Variants in TENM2 observed in about 807,000 individuals in gnomAD.
TENM2 encodes teneurin transmembrane protein 2, also known as teneurin-2.
In TENM2, 52 loss-of-function variants were observed where a neutral mutation model predicts 245.2. The ratio of observed to expected loss-of-function variants is 0.21; its 90% confidence interval spans 0.17 to 0.27. The LOEUF is 0.27. TENM2 is among the 10% of genes least tolerant of loss of function. TENM2 has a pLI of 1.00. For missense variants in TENM2, 3,046 were observed against 3,666.8 expected (o/e 0.83, Z 4.37); for synonymous variants, 1,363 against 1,438.9 (o/e 0.95, Z 1.19).
chr5:167,724,879 A>T (rs752887850), intron 2 of TENM2, among the ~76,000 whole-genome samples: 1 of 152,322 alleles, frequency 6.6e-6, no homozygotes, highest in Admixed American at 6.5e-5. Flanking sequence ...GCTCAGAGAC[A>T]TAAGCACAGG....
intron 1 of TENM2, among the ~76,000 whole-genome samples, chr5:167,371,966 C>T (rs1760466032): frequency 6.6e-6 from 1 of 152,074 alleles, no homozygotes; most frequent in African/African-American, 2.4e-5. Context: ...TTAATACTTA[C>T]AATGAGGTTC....
chr5:167,565,165 T>C (rs1214005803), intron 2 of TENM2, among the ~76,000 whole-genome samples: 2 of 152,236 alleles, frequency 1.3e-5, no homozygotes, highest in African/African-American at 2.4e-5. Flanking sequence ...TTTTATTGTG[T>C]CAAGTCAGTA....
chr5:167,977,888 G>T (rs1162033178), intron 4 of TENM2, among the ~76,000 whole-genome samples: 2 of 152,208 alleles, frequency 1.3e-5, no homozygotes, highest in Non-Finnish European at 2.9e-5. Flanking sequence ...CAATGTTGGA[G>T]GCGGGCCCTG....
At chr5:167,934,306 G>T (rs1778522483) in intron 3 of TENM2, among the ~76,000 whole-genome samples, 1 of 152,178 alleles carries the variant, frequency 6.6e-6, no homozygotes, top group African/African-American at 2.4e-5. Flanking sequence ...AGAGAAAGCA[G>T]CATCGTAACA....
At chr5:167,151,449 G>T in the TENM2 span, among the ~76,000 whole-genome samples, 5 of 152,282 alleles carry the variant, frequency 3.3e-5, no homozygotes, top group East Asian at 9.7e-4. Context: ...TAATGACTAC[G>T]TTACAACTAC....
At chr5:167,926,885 G>A (rs1233198419) in intron 3 of TENM2, among the ~76,000 whole-genome samples, 3 of 152,130 alleles carry the variant, frequency 2.0e-5, no homozygotes, top group Non-Finnish European at 4.4e-5. Context: ...ACTGGACAAA[G>A]AGTACTTGGC....
chr5:167,016,287 A>AC, the TENM2 span, among the ~76,000 whole-genome samples: 15 of 145,702 alleles, frequency 1.0e-4, no homozygotes, highest in African/African-American at 3.8e-4. Context: ...CAAACAAAAA[A>AC]AAAAAAAAAA....
intron 5 of TENM2, among the ~76,000 whole-genome samples, chr5:168,030,598 A>G (rs1581108031): frequency 1.3e-5 from 2 of 152,256 alleles, no homozygotes; most frequent in Non-Finnish European, 1.5e-5. Context: ...CCATCGGCCC[A>G]GACAGTGAGC....
chr5:167,405,987 C>T (rs1762618064), intron 2 of TENM2, among the ~76,000 whole-genome samples: 1 of 152,066 alleles, frequency 6.6e-6, no homozygotes, highest in East Asian at 1.9e-4. Flanking sequence ...AAGACTTTCT[C>T]ATTTTAATTT....
intron 12 of TENM2, among the ~76,000 whole-genome samples, chr5:168,152,339 T>C (rs900907943): frequency 6.6e-6 from 1 of 152,160 alleles, no homozygotes; most frequent in Non-Finnish European, 1.5e-5. Flanking sequence ...GTGATTTCCT[T>C]ACATTTCCTG....
intron 2 of TENM2, among the ~76,000 whole-genome samples, chr5:167,542,504 T>A (rs956072193): frequency 9.2e-5 from 14 of 151,904 alleles, no homozygotes; most frequent in African/African-American, 3.4e-4. Context: ...CCATGAAGGG[T>A]CAAGCCCAGG....
At chr5:167,264,169 G>T in the TENM2 span, among the ~76,000 whole-genome samples, 231 of 150,066 alleles carry the variant, frequency 1.5e-3, no homozygotes, top group African/African-American at 4.2e-3. Context: ...TCATGTTCTC[G>T]CAGTGGTTGA....
intron 2 of TENM2, among the ~76,000 whole-genome samples, chr5:167,791,624 A>T (rs1764982838): frequency 6.6e-6 from 1 of 151,020 alleles, no homozygotes; most frequent in Non-Finnish European, 1.5e-5. Flanking sequence ...TGGAACCCTA[A>T]GTATGATGAT....
chr5:167,424,500 A>G (rs1330229620), intron 2 of TENM2, among the ~76,000 whole-genome samples: 5 of 152,186 alleles, frequency 3.3e-5, no homozygotes, highest in South Asian at 4.1e-4. Flanking sequence ...ATGGTTCCCA[A>G]TATTTAAAAG....
the TENM2 span, among the ~76,000 whole-genome samples, chr5:166,980,415 C>CT: frequency 6.6e-6 from 1 of 152,172 alleles, no homozygotes; most frequent in Non-Finnish European, 1.5e-5. Flanking sequence ...AAATTGAACT[C>CT]TAACTCTTTT....
chr5:167,614,216 C>T (rs1350080363), intron 2 of TENM2, among the ~76,000 whole-genome samples: 1 of 152,106 alleles, frequency 6.6e-6, no homozygotes, highest in Non-Finnish European at 1.5e-5. Context: ...GAGAAATTTC[C>T]TATCTTTTGA....
At chr5:167,710,936 C>G (rs928375512) in intron 2 of TENM2, among the ~76,000 whole-genome samples, 2 of 152,170 alleles carry the variant, frequency 1.3e-5, no homozygotes, top group Non-Finnish European at 2.9e-5. Flanking sequence ...AGTAACAATA[C>G]AGCTATCTAT....
chr5:167,511,962 C>A (rs1015350659), intron 2 of TENM2, among the ~76,000 whole-genome samples: 2 of 152,006 alleles, frequency 1.3e-5, no homozygotes, highest in African/African-American at 2.4e-5. Context: ...CATTGTCAGC[C>A]TTTTATAGGC....
At chr5:167,597,165 C>T (rs111772278) in intron 2 of TENM2, among the ~76,000 whole-genome samples, 2,253 of 53,294 alleles carry the variant, frequency 0.042, 54 homozygotes, top group South Asian at 0.15. Flanking sequence ...CTTTTCTTTT[C>T]TTTTTTTTTT....
Sources: gnomAD v4.1 joint callset for allele counts (sites outside exome capture counted in the v4.1 genomes callset) on GRCh38, gnomAD v4.1.1 for gene constraint, MANE v1.5 for transcripts, NCBI Gene and HGNC (gene_info 2026-07-23, HGNC 2026-07-21) for gene names.